Variants in KIF24 observed in about 807,000 individuals in gnomAD.
KIF24 encodes kinesin family member 24.
A neutral mutation model predicts 118.9 loss-of-function variants in KIF24; 81 were observed. That is an observed-to-expected ratio of 0.68 (90% CI 0.57 to 0.82). The LOEUF is 0.82. KIF24 is among the 40% of genes least tolerant of loss of function. The probability of loss-of-function intolerance (pLI) is 0.00; values close to 1 mark genes in which losing one functional copy is unlikely to be tolerated. For missense variants in KIF24, 1,560 were observed against 1,661.6 expected (o/e 0.94, Z 1.06); for synonymous variants, 599 against 610.0 (o/e 0.98, Z 0.27).
chr9:34,303,691 A>C (rs1383214457), intron 3 of KIF24, among the ~76,000 whole-genome samples: 3 of 152,160 alleles, frequency 2.0e-5, no homozygotes, highest in African/African-American at 7.2e-5. Context: ...TCTACAAAAA[A>C]TACAAAAATT....
rs1437150254 is a variant in KIF24, at chr9:34,256,905, T to C, written c.2702A>G (p.His901Arg). The C allele has an allele frequency of 3.7e-6, 6 of 1,613,828 alleles. No homozygotes were observed. In the South Asian group the frequency reaches 6.6e-5, roughly 18 times the overall value. The change falls in exon 11 of 13, where the codon CAC (histidine) becomes CGC (arginine). Residue 901 changes from histidine (H) to arginine (R), a missense_variant. Transcript: ENST00000402558. The part of the protein sequence containing the change: ...SWVDSRDPIN[H>R]RRAALDHSCS... ...GCTGTGATCGAGTGCTGCTCTTCTG[T>C]GGTTTATGGGGTCCCTGGAGTCCAC...
At chr9:34,331,886 G>A (rs2131851606), upstream of KIF24, among the ~76,000 whole-genome samples, 1 of 152,136 alleles carries the variant, frequency 6.6e-6, no homozygotes, top group Middle Eastern at 3.4e-3. Flanking sequence ...TCTTTCCCTT[G>A]GCTTATGAAA....
chr9:34,317,976 T>TA (rs1837382509), intron 1 of KIF24, among the ~76,000 whole-genome samples: 1 of 152,164 alleles, frequency 6.6e-6, no homozygotes, highest in African/African-American at 2.4e-5. Context: ...ACCATACCCT[T>TA]AAAATCTTAA....
chr9:34,327,846 A>AAAAAAT (rs1554668267), intron 1 of KIF24, among the ~76,000 whole-genome samples: 2 of 149,588 alleles, frequency 1.3e-5, no homozygotes, highest in South Asian at 2.1e-4. Context: ...AATAAAAAAA[A>AAAAAAT]AATAATAATA....
At chr9:34,292,469 C>T (rs1230436739) in intron 4 of KIF24, among the ~76,000 whole-genome samples, 1 of 152,122 alleles carries the variant, frequency 6.6e-6, no homozygotes, top group East Asian at 1.9e-4. Flanking sequence ...GTCTCCTGGG[C>T]TTGCGTTCTT....
At position 34,311,379 on chromosome 9, in the gene KIF24, G is replaced by C. The variant is rs750495300; in HGVS notation, c.-25-8C>G. ...AATAGGTTTCTATAAACTCTGAAGA[G>C]AGAAAGAAAAGCCATTCGCTTGAAA... On this transcript the variant is annotated splice_polypyrimidine_tract_variant and splice_region_variant and intron_variant, in intron 1 of 12. Coordinates refer to ENST00000402558, the MANE Select transcript of KIF24 (RefSeq NM_194313.4). 7 of 1,452,632 alleles carry C rather than the reference G, an allele frequency of 4.8e-6. No individual in the cohort carries two copies. The highest frequency in any genetic ancestry group is 1.5e-5 in the South Asian group (1 of 66,004). The allele number at this position is 1,452,632 out of a possible 1,614,324, so 90.0% of individuals were successfully genotyped here.
At chr9:34,296,874 A>G (rs1248250359) in intron 4 of KIF24, 143 bp downstream of exon 4, 6 of 527,384 alleles carry the variant, frequency 1.1e-5, no homozygotes, top group Admixed American at 3.5e-5. Flanking sequence ...GCATGTTTTC[A>G]GAAGAATCTA....
rs145943303 is a variant in KIF24 at position 34,255,760 on chromosome 9, G to A, written c.3847C>T (p.Arg1283Cys). The A allele has an allele frequency of 8.7e-6, 14 of 1,613,076 alleles. No homozygotes were observed. The highest frequency in any genetic ancestry group is 6.7e-5 in the East Asian group (3 of 44,886). ...SCSPKTAGTL[R>C]QPTLEQAQQV... is the part of the protein sequence containing the mutation. Reference sequence around the variant, plus strand: ...TGCGCTTGCTCCAGGGTGGGCTGACGGAGTGTCCCTGCAGTCTTGGGAGAG... The same window carrying A: ...TGCGCTTGCTCCAGGGTGGGCTGACAGAGTGTCCCTGCAGTCTTGGGAGAG... Residue 1283 changes from arginine (R) to cysteine (C), a missense_variant, in exon 11 of 13, where the codon CGT (arginine) becomes TGT (cysteine). Physicochemically the swap from Arg to Cys is radical, Grantham distance 180. Around this residue, in one of 3 missense-constraint regions of KIF24, gnomAD observed 591 missense variants for 655.6 expected, o/e 0.90. Transcript: ENST00000402558.
At chr9:34,315,048 G>A (rs796447435) in intron 1 of KIF24, among the ~76,000 whole-genome samples, 1 of 152,102 alleles carries the variant, frequency 6.6e-6, no homozygotes, top group African/African-American at 2.4e-5. Context: ...GGTAGAGGGT[G>A]ATTATGGGAA....
At chr9:34,313,738 G>GTTTTTTTTTTTTT (rs5897567) in intron 1 of KIF24, among the ~76,000 whole-genome samples, 1 of 130,360 alleles carries the variant, frequency 7.7e-6, no homozygotes, top group Non-Finnish European at 1.6e-5. Flanking sequence ...CCCGTTATCT[G>GTTTTTTTTTTTTT]TTTTTTTTTT....
chr9:34,316,092 C>T (rs1312050523), intron 1 of KIF24, among the ~76,000 whole-genome samples: 1 of 151,986 alleles, frequency 6.6e-6, no homozygotes, highest in East Asian at 1.9e-4. Flanking sequence ...GGGCTCATGC[C>T]TATAATCCCA....
At chr9:34,296,787 A>C (rs1836497580) in intron 4 of KIF24, among the ~76,000 whole-genome samples, 3 of 152,070 alleles carry the variant, frequency 2.0e-5, no homozygotes, top group African/African-American at 7.3e-5. Context: ...CACTAGACAC[A>C]GAGAAATAAT....
chr9:34,272,016 C>A, intron 6 of KIF24, 86 bp from the exon 7 acceptor site: 1 of 1,277,058 alleles, frequency 7.8e-7, no homozygotes, highest in Non-Finnish European at 1.1e-6. Flanking sequence ...CAGTAGACAG[C>A]AGACATATAA....
chr9:34,265,818 ATAAAT>A (rs1427583890), intron 8 of KIF24, among the ~76,000 whole-genome samples: 4 of 152,274 alleles, frequency 2.6e-5, no homozygotes, highest in South Asian at 2.1e-4. Flanking sequence ...AAACATTTAA[ATAAAT>A]TAAATAAAAA....
chr9:34,261,236 T>A (rs920481009), intron 9 of KIF24, among the ~76,000 whole-genome samples: 2 of 152,170 alleles, frequency 1.3e-5, no homozygotes, highest in Non-Finnish European at 2.9e-5. Context: ...AATCTTCTCC[T>A]AGACATCTCT....
intron 9 of KIF24, among the ~76,000 whole-genome samples, chr9:34,261,899 T>C (rs1327623050): frequency 6.6e-6 from 1 of 152,210 alleles, no homozygotes; most frequent in East Asian, 1.9e-4. Context: ...CGTCACCCTA[T>C]TCAATGCAAA....
chr9:34,267,659 T>C (rs1335404200), intron 8 of KIF24, among the ~76,000 whole-genome samples: 1 of 152,206 alleles, frequency 6.6e-6, no homozygotes, highest in East Asian at 1.9e-4. Context: ...TATTTCAGCA[T>C]GTAGTCAATA....
At chr9:34,279,719 G>C (rs1346827276) in intron 6 of KIF24, among the ~76,000 whole-genome samples, 1 of 152,242 alleles carries the variant, frequency 6.6e-6, no homozygotes, top group Non-Finnish European at 1.5e-5. Flanking sequence ...GCAAACACAT[G>C]GGTGATACCT....
chr9:34,327,854 A>AAAAT (rs1341561171), intron 1 of KIF24, among the ~76,000 whole-genome samples: 47 of 151,822 alleles, frequency 3.1e-4, no homozygotes, highest in African/African-American at 1.1e-3. Flanking sequence ...AAAAATAATA[A>AAAAT]TAATAATAAA....
Sources: gnomAD v4.1 joint callset for allele counts (sites outside exome capture counted in the v4.1 genomes callset) on GRCh38, gnomAD v4.1.1 for gene constraint, gnomAD v4.1.1 regional missense constraint, MANE v1.5 for transcripts, NCBI Gene and HGNC (gene_info 2026-07-23, HGNC 2026-07-21) for gene names.